Variants in UBXN4 observed in about 807,000 individuals in gnomAD.
The protein encoded by UBXN4 is UBX domain-containing protein 4.
A neutral mutation model predicts 66.2 loss-of-function variants in UBXN4; 35 were observed. That is an observed-to-expected ratio of 0.53 (90% CI 0.40 to 0.70). UBXN4 has a LOEUF of 0.70. Among genes scored for constraint, UBXN4 ranks in the 30% least tolerant of loss-of-function variants. UBXN4 has a pLI of 0.00. For synonymous variants in UBXN4, 203 were observed against 204.5 expected, an observed-to-expected ratio of 0.99 and a Z score of 0.06; for missense variants, 533 against 599.8, an observed-to-expected ratio of 0.89 and a Z score of 1.16.
intron 5 of UBXN4, among the ~76,000 whole-genome samples, chr2:135,761,032 G>A (rs917459370): frequency 1.3e-5 from 2 of 152,146 alleles, no homozygotes; most frequent in African/African-American, 4.8e-5. Context: ...GTATTAACAC[G>A]TATTTCTTAT....
At chr2:135,775,107 C>T (rs1041835488) in intron 9 of UBXN4, among the ~76,000 whole-genome samples, 1 of 152,184 alleles carries the variant, frequency 6.6e-6, no homozygotes, top group African/African-American at 2.4e-5. Context: ...GATACCATTT[C>T]ACACCCACTA....
intron 12 of UBXN4, among the ~76,000 whole-genome samples, chr2:135,782,348 T>C (rs994534013): frequency 6.6e-6 from 1 of 152,228 alleles, no homozygotes; most frequent in African/African-American, 2.4e-5. Flanking sequence ...AAATTGACCC[T>C]TTCTGTCAAG....
At chr2:135,782,226 G>A (rs1236524117) in intron 12 of UBXN4, among the ~76,000 whole-genome samples, 1 of 152,186 alleles carries the variant, frequency 6.6e-6, no homozygotes, top group Non-Finnish European at 1.5e-5. Flanking sequence ...AGTTATAAAA[G>A]TCTGTTGGCT....
rs2077459493 is a variant in UBXN4 at position 135,782,985 on chromosome 2, CT to C, written c.*99del. ...AGTGGGACTGCTTTATATTTTCCAA[CT>C]GGTCTATAAAATGTCTCTTTATTCC... On this transcript the variant is annotated 3_prime_UTR_variant, in exon 13 of 13. Coordinates refer to ENST00000272638, the MANE Select transcript of UBXN4 (RefSeq NM_014607.4). The C allele has an allele frequency of 7.5e-7, 1 of 1,332,980 alleles. No individual in the cohort carries two copies. Among genetic ancestry groups the C allele is most frequent in the Admixed American group, 2.2e-5 (1 of 45,374 alleles). 82.6% of individuals were successfully genotyped at this position (1,332,980 alleles called of 1,614,324 possible).
intron 5 of UBXN4, among the ~76,000 whole-genome samples, chr2:135,759,938 T>G (rs2077305146): frequency 6.6e-6 from 1 of 151,934 alleles, no homozygotes; most frequent in Non-Finnish European, 1.5e-5. Flanking sequence ...CCAGCTGATT[T>G]TGTATTTTTA....
chr2:135,766,009 C>G (rs1219518164), intron 6 of UBXN4, among the ~76,000 whole-genome samples: 1 of 151,998 alleles, frequency 6.6e-6, no homozygotes, highest in Non-Finnish European at 1.5e-5. Context: ...AAAAATTACC[C>G]GGACGTAGTG....
chr2:135,771,557 G>A (rs186867433), intron 8 of UBXN4, among the ~76,000 whole-genome samples: 5 of 152,222 alleles, frequency 3.3e-5, no homozygotes, highest in South Asian at 2.1e-4. Flanking sequence ...TATTTGTTGA[G>A]CATTTATTAT....
chr2:135,780,474 G>A lies in UBXN4; in HGVS notation c.1388+89G>A, dbSNP rs1312193070. The A allele has an allele frequency of 3.2e-6, 4 of 1,237,976 alleles. No individual in the cohort carries two copies. In the East Asian group the frequency reaches 9.5e-5, roughly 29 times the overall value. The allele number at this position is 1,237,976 out of a possible 1,614,324, so 76.7% of individuals were successfully genotyped here. On this transcript the variant is annotated intron_variant, in intron 12 of 12. Coordinates refer to ENST00000272638, the MANE Select transcript of UBXN4 (RefSeq NM_014607.4). ...AAAAAGTTGAGTACTTTGCCTTTCT[G>A]TATATGTCCTCTCCAGTTCCCACGG...
At chr2:135,777,397 AG>A (rs2077422715) in intron 10 of UBXN4, among the ~76,000 whole-genome samples, 1 of 152,166 alleles carries the variant, frequency 6.6e-6, no homozygotes, top group Admixed American at 6.5e-5. Context: ...CTCGTGAACT[AG>A]GCTGGACAAT....
chr2:135,780,440 T>G (rs2077442920), intron 12 of UBXN4, 55 bp downstream of exon 12: 2 of 1,562,204 alleles, frequency 1.3e-6, no homozygotes, highest in Non-Finnish European at 1.8e-6. Context: ...CCCAGTATCT[T>G]TTTTAAGTAA....
rs770141033 is a variant in UBXN4 at position 135,754,243 on chromosome 2, A to G, written c.299A>G (p.Asp100Gly). The change falls in exon 4 of 13, where the codon GAT becomes GGT. Residue 100 changes from aspartate (D) to glycine (G), a missense_variant. Asp to Gly is a moderately conservative substitution (Grantham distance 94). This residue lies in a region of UBXN4 where 529 missense variants were observed against 580.1 expected (regional missense o/e 0.91). Transcript: ENST00000272638. Reference protein sequence around the residue: ...LEVIAGSVSADELVTRIHKVR... With the variant: ...LEVIAGSVSAGELVTRIHKVR... ...GTAATAGCAGGAAGTGTTTCTGCAGATGAACTTGTTACAAGAATTCACAAG... is the reference window on the plus strand; with the variant it reads ...GTAATAGCAGGAAGTGTTTCTGCAGGTGAACTTGTTACAAGAATTCACAAG... 106 of 1,614,006 alleles carry G rather than the reference A, an allele frequency of 6.6e-5. No homozygotes were observed. Among genetic ancestry groups the G allele is most frequent in the Non-Finnish European group, 8.4e-5 (99 of 1,179,966 alleles).
chr2:135,778,916 C>T (rs573117959), intron 10 of UBXN4, 32 bp from the exon 11 acceptor site: 29 of 1,564,268 alleles, frequency 1.9e-5, no homozygotes, highest in Non-Finnish European at 2.5e-5. Context: ...CTTTTAAAGG[C>T]ACTCTTTAAG....
chr2:135,764,389 G>A (rs1049420587), intron 6 of UBXN4, among the ~76,000 whole-genome samples: 2 of 151,982 alleles, frequency 1.3e-5, no homozygotes, highest in East Asian at 3.8e-4. Context: ...TAAGAACATA[G>A]TCCTTCAATC....
Position 135,767,983 on chromosome 2 carries a change from C to T in UBXN4, c.603-1786C>T, listed in dbSNP as rs1245171891. Reference sequence around the variant, plus strand: ...ATCCCCTTCATATTGGGTCTTCTGGCTTTTTGACAGTACTCACTCCCTTGA... The same window carrying T: ...ATCCCCTTCATATTGGGTCTTCTGGTTTTTTGACAGTACTCACTCCCTTGA... On this transcript the variant is annotated intron_variant, in intron 6 of 12. Transcript: ENST00000272638. Among the ~76,000 whole-genome samples, 5 of 151,976 alleles carry T rather than the reference C, an allele frequency of 3.3e-5. No homozygotes were observed. In the East Asian group the frequency reaches 7.7e-4, roughly 23 times the overall value.
intron 11 of UBXN4, among the ~76,000 whole-genome samples, chr2:135,779,827 T>C (rs1047087924): frequency 6.8e-6 from 1 of 146,488 alleles, no homozygotes; most frequent in African/African-American, 2.5e-5. Flanking sequence ...TACAATATTA[T>C]ACAATTATAT....
intron 6 of UBXN4, among the ~76,000 whole-genome samples, chr2:135,767,484 G>T (rs969308975): frequency 6.6e-6 from 1 of 152,168 alleles, no homozygotes; most frequent in African/African-American, 2.4e-5. Flanking sequence ...TAGGTTAGTT[G>T]TCTGTTTGTG....
At position 135,770,731 on chromosome 2, in the gene UBXN4, C is replaced by A; in HGVS notation, c.818C>A (p.Ala273Glu). 1.3e-6 allele frequency: 2 copies of A among 1,509,150 alleles called. No homozygotes were observed. The highest frequency in any genetic ancestry group is 1.4e-5 in the South Asian group (1 of 72,128). 93.5% of individuals were successfully genotyped at this position (1,509,150 alleles called of 1,614,324 possible). ...CGAGAACGTATAAAACAGCAGATTG[C>A]ATTGGTAAGTCTTAAGTTTCCAGAC... is the stretch of plus-strand genomic sequence containing the variant. ...AARERIKQQIALDRAERAARF... is the reference protein window; with the variant it reads ...AARERIKQQIELDRAERAARF... The change falls in exon 8 of 13, where the codon GCA becomes GAA. Residue 273 changes from alanine to glutamate, a missense_variant. Physicochemically the swap from Ala to Glu is moderately radical, Grantham distance 107. Around this residue, in one of 2 missense-constraint regions of UBXN4, gnomAD observed 529 missense variants for 580.1 expected, o/e 0.91. Coordinates refer to ENST00000272638, the MANE Select transcript of UBXN4 (RefSeq NM_014607.4).
chr2:135,760,844 G>C (rs1373892628), intron 5 of UBXN4, among the ~76,000 whole-genome samples: 1 of 152,132 alleles, frequency 6.6e-6, no homozygotes, highest in Admixed American at 6.5e-5. Flanking sequence ...TAATTTCCCA[G>C]GTGTAAATAC....
intron 10 of UBXN4, 123 bp from the exon 11 acceptor site, chr2:135,778,825 T>G (rs2077433221): frequency 2.1e-5 from 23 of 1,080,388 alleles, no homozygotes; most frequent in Non-Finnish European, 2.9e-5. Context: ...TACCTTTTTT[T>G]GAGTTTACAT....
Sources: allele counts gnomAD v4.1 joint callset (sites outside exome capture counted in the v4.1 genomes callset), GRCh38; gene constraint gnomAD v4.1.1; regional missense constraint gnomAD v4.1.1; transcripts MANE v1.5; gene names NCBI Gene and HGNC (gene_info 2026-07-23, HGNC 2026-07-21).